ALK: variants seen among roughly 807,000 people sequenced by gnomAD.
ALK encodes ALK tyrosine kinase receptor.
ALK carries 74 observed loss-of-function variants against 163.1 expected under a neutral mutation model. The observed-to-expected ratio is 0.45, with a 90% CI of 0.38 to 0.55. ALK has a LOEUF of 0.55. Among genes scored for constraint, ALK ranks in the 20% least tolerant of loss-of-function variants. The pLI is 0.00. For synonymous variants in ALK, 960 were observed against 843.2 expected (o/e 1.14, Z -2.40); for missense variants, 2,063 against 2,105.3 (o/e 0.98, Z 0.39).
chr2:29,449,249 C>T (rs1017536965), intron 4 of ALK, among the ~76,000 whole-genome samples: 7 of 152,066 alleles, frequency 4.6e-5, no homozygotes, highest in Admixed American at 1.3e-4. Context: ...AGTATGGTAC[C>T]GGACACAAGT....
chr2:29,531,977 C>T lies in ALK; in HGVS notation c.1092G>A (p.Gln364=). The change falls in exon 4 of 29, where the codon CAG becomes CAA. Residue 364 remains glutamine, a synonymous_variant. Coordinates refer to ENST00000389048, the MANE Select transcript of ALK (RefSeq NM_004304.5). ...HLQPSGRYIA[Q]LLPHNEAARE... is the part of the protein sequence containing the mutation. ...TTGCAGCCTCGTTGTGGGGCAGCAG[C>T]TGGGCAATGTACCTTCCAGAGGGCT... is the stretch of plus-strand genomic sequence containing the variant. 1.2e-6 allele frequency: 2 copies of T among 1,614,206 alleles called. No individual in the cohort carries two copies. The highest frequency in any genetic ancestry group is 1.1e-5 in the South Asian group (1 of 91,078).
intron 2 of ALK, among the ~76,000 whole-genome samples, chr2:29,712,604 CTG>C (rs1404266448): frequency 6.7e-6 from 1 of 150,218 alleles, no homozygotes; most frequent in East Asian, 1.9e-4. Flanking sequence ...ATTTTTGATT[CTG>C]TGTTAGGCTG....
At chr2:29,374,500 T>C (rs954594758) in intron 5 of ALK, among the ~76,000 whole-genome samples, 1 of 152,068 alleles carries the variant, frequency 6.6e-6, no homozygotes, top group Admixed American at 6.5e-5. Flanking sequence ...TCTTTGATTT[T>C]AGGAACTTAG....
chr2:29,446,326 T>C lies in ALK; in HGVS notation c.1155-62467A>G, dbSNP rs528066339. Among the ~76,000 whole-genome samples, 16 of 152,134 alleles carry C rather than the reference T, an allele frequency of 1.1e-4. No individual in the cohort carries two copies. The South Asian group carries it at 3.3e-3, about 32-fold the overall frequency. ...TTAGGTTTGCATGTTGGCAGGACTA[T>C]TTACCAGGCTATAACTAGGCAATCC... is the stretch of plus-strand genomic sequence containing the variant. On this transcript the variant is annotated intron_variant, in intron 4 of 28. Coordinates refer to ENST00000389048, the MANE Select transcript of ALK (RefSeq NM_004304.5).
chr2:29,209,440 G>A (rs1157498462), intron 25 of ALK, among the ~76,000 whole-genome samples: 1 of 151,490 alleles, frequency 6.6e-6, no homozygotes, highest in Admixed American at 6.6e-5. Flanking sequence ...TACTCGAGAA[G>A]CTGAGGCAGG....
intron 4 of ALK, among the ~76,000 whole-genome samples, chr2:29,527,846 A>G (rs1672998883): frequency 6.6e-6 from 1 of 151,952 alleles, no homozygotes; most frequent in African/African-American, 2.4e-5. Context: ...ATCACGTCAC[A>G]TTACATCACA....
intron 1 of ALK, among the ~76,000 whole-genome samples, chr2:29,798,548 C>T (rs1250283054): frequency 1.3e-5 from 2 of 152,228 alleles, no homozygotes; most frequent in South Asian, 2.1e-4. Context: ...CCCCGCTCCT[C>T]GCATCCAGGT....
At chr2:29,319,045 A>T (rs1285380331) in intron 7 of ALK, 1 of 154,056 alleles carries the variant, frequency 6.5e-6, no homozygotes, top group African/African-American at 2.4e-5. Flanking sequence ...GGTTTCTGTG[A>T]CCTTCACTCT....
chr2:29,349,736 T>C (rs1427895464), intron 5 of ALK, among the ~76,000 whole-genome samples: 5 of 152,214 alleles, frequency 3.3e-5, no homozygotes, highest in Non-Finnish European at 5.9e-5. Context: ...GCTATGTCTG[T>C]CAGCTGGAAG....
intron 16 of ALK, 139 bp downstream of exon 16, chr2:29,228,745 G>A (rs1481989152): frequency 6.1e-6 from 4 of 656,928 alleles, no homozygotes; most frequent in African/African-American, 1.8e-5. Flanking sequence ...GTCCAGGCAG[G>A]TCGAGAGGGA....
chr2:29,433,156 C>T (rs1670320545), intron 4 of ALK, among the ~76,000 whole-genome samples: 1 of 152,190 alleles, frequency 6.6e-6, no homozygotes, highest in Non-Finnish European at 1.5e-5. Context: ...GTAGGGACTT[C>T]AGGATGCCCC....
At chr2:29,262,089 A>T (rs1479149483) in intron 11 of ALK, among the ~76,000 whole-genome samples, 1 of 152,226 alleles carries the variant, frequency 6.6e-6, no homozygotes, top group African/African-American at 2.4e-5. Context: ...CAGTAAGCCT[A>T]GCTCCTTACA....
At chr2:29,865,644 C>A (rs1288618264) in intron 1 of ALK, among the ~76,000 whole-genome samples, 1 of 152,126 alleles carries the variant, frequency 6.6e-6, no homozygotes, top group Non-Finnish European at 1.5e-5. Flanking sequence ...GATCAGTGGA[C>A]CATGTCCACA....
intron 4 of ALK, among the ~76,000 whole-genome samples, chr2:29,387,065 T>A (rs1262266493): frequency 6.6e-6 from 1 of 152,144 alleles, no homozygotes; most frequent in Non-Finnish European, 1.5e-5. Context: ...GCTGGTTCCA[T>A]GTGTTGGGGA....
chr2:29,390,321 G>C (rs1000183988), intron 4 of ALK, among the ~76,000 whole-genome samples: 1 of 152,102 alleles, frequency 6.6e-6, no homozygotes, highest in Non-Finnish European at 1.5e-5. Flanking sequence ...TCACGGGTGA[G>C]ATCGACAATG....
intron 26 of ALK, among the ~76,000 whole-genome samples, chr2:29,206,969 G>T (rs532135270): frequency 2.0e-5 from 3 of 152,302 alleles, no homozygotes; most frequent in African/African-American, 7.2e-5. Context: ...CCCAGGGTAG[G>T]GTCCAATAAT....
At chr2:29,497,872 G>GAA (rs1359469826) in intron 4 of ALK, among the ~76,000 whole-genome samples, 1 of 151,892 alleles carries the variant, frequency 6.6e-6, no homozygotes, top group Non-Finnish European at 1.5e-5. Context: ...TTGCTCTCCT[G>GAA]GTCCAAAAAG....
intron 3 of ALK, among the ~76,000 whole-genome samples, chr2:29,566,436 T>C (rs143489000): frequency 4.6e-5 from 7 of 152,332 alleles, no homozygotes; most frequent in East Asian, 1.9e-4. Context: ...GGAACTTTGA[T>C]GATAGTTGGG....
chr2:29,515,240 C>T (rs1488814568), intron 4 of ALK, among the ~76,000 whole-genome samples: 1 of 152,162 alleles, frequency 6.6e-6, no homozygotes, highest in Non-Finnish European at 1.5e-5. Flanking sequence ...AGCTCAGGTC[C>T]CTACTTGCAA....
Sources: gnomAD v4.1 joint callset for allele counts (sites outside exome capture counted in the v4.1 genomes callset) on GRCh38, gnomAD v4.1.1 for gene constraint, MANE v1.5 for transcripts, NCBI Gene and HGNC (gene_info 2026-07-23, HGNC 2026-07-21) for gene names.